USH2A: variants seen among roughly 807,000 people sequenced by gnomAD.
The protein encoded by USH2A is usherin.
In USH2A, 443 loss-of-function variants were observed where a neutral mutation model predicts 538.9. The ratio of observed to expected loss-of-function variants is 0.82; its 90% confidence interval spans 0.76 to 0.89. The LOEUF is 0.89. Ranked by LOEUF, USH2A falls within the 40% of genes least tolerant of loss-of-function variation. The pLI, the probability that USH2A is intolerant of heterozygous loss-of-function variation, is 0.00. For missense variants in USH2A, 6,633 were observed against 6,324.8 expected, an observed-to-expected ratio of 1.05 and a Z score of -1.65; for synonymous variants, 2,413 against 2,273.5, an observed-to-expected ratio of 1.06 and a Z score of -1.75.
At chr1:216,123,916 A>G (rs1273476492) in intron 21 of USH2A, among the ~76,000 whole-genome samples, 1 of 152,162 alleles carries the variant, frequency 6.6e-6, no homozygotes, top group African/African-American at 2.4e-5. Flanking sequence ...GAGAAGTCAT[A>G]CAGTGACCCC....
In USH2A at chr1:215,878,969, G is replaced by A; in HGVS notation, c.8353C>T (p.Pro2785Ser). ...ATGGTGACAGAATAATTAGTGAAAG[G>A]AATCAGATGAGTAACTTTTTGACTT... Reference protein sequence around the residue: ...VLSQKVTHLIPFTNYSVTIVA... With the variant: ...VLSQKVTHLISFTNYSVTIVA... Residue 2785 changes from proline (P) to serine (S), a missense_variant, in exon 42 of 72, where the codon CCT becomes TCT. By Grantham distance (74) the Pro-to-Ser change is moderately conservative. Coordinates refer to ENST00000307340, the MANE Select transcript of USH2A (RefSeq NM_206933.4). 6.2e-7 allele frequency: 1 copy of A among 1,614,064 alleles called. No homozygotes were observed. Among genetic ancestry groups the A allele is most frequent in the South Asian group, 1.1e-5 (1 of 91,084 alleles).
At chr1:215,857,906 A>G (rs976210570) in intron 44 of USH2A, among the ~76,000 whole-genome samples, 1 of 152,158 alleles carries the variant, frequency 6.6e-6, no homozygotes, top group Admixed American at 6.5e-5. Context: ...CTGACTTCCC[A>G]TCCCACTGTA....
At chr1:215,712,888 C>A (rs1659379814) in intron 61 of USH2A, among the ~76,000 whole-genome samples, 1 of 152,104 alleles carries the variant, frequency 6.6e-6, no homozygotes, top group African/African-American at 2.4e-5. Context: ...TCACTGCAAC[C>A]TCCACCTCCT....
At chr1:216,270,625 AT>A (rs1276907204) in intron 11 of USH2A, among the ~76,000 whole-genome samples, 2 of 152,146 alleles carry the variant, frequency 1.3e-5, no homozygotes, top group East Asian at 3.9e-4. Context: ...CTAACCAGCT[AT>A]TGTATACTGA....
chr1:216,369,967 T>G (rs2038674434), intron 3 of USH2A, among the ~76,000 whole-genome samples: 2 of 150,140 alleles, frequency 1.3e-5, no homozygotes, highest in African/African-American at 4.9e-5. Flanking sequence ...TTCTAAAATA[T>G]TTATGCATAT....
Position 216,279,745 on chromosome 1 carries a change from C to T in USH2A, c.1971+9535G>A, listed in dbSNP as rs764759116. 5.9e-5 allele frequency among the ~76,000 whole-genome samples: 9 copies of T among 151,990 alleles called. No homozygotes were observed. The South Asian group carries it at 6.2e-4, about 10-fold the overall frequency. On this transcript the variant is annotated intron_variant, in intron 11 of 71. Transcript: ENST00000307340. ...TCAACCCAATAACAAGCAAAGTAAA[C>T]GGGAGAGAAGGTAGCAGGGATGAAA...
intron 38 of USH2A, among the ~76,000 whole-genome samples, chr1:215,902,319 C>T (rs950243232): frequency 6.6e-6 from 1 of 152,116 alleles, no homozygotes; most frequent in Non-Finnish European, 1.5e-5. Context: ...TAATGAATGA[C>T]CAGTGATGAG....
chr1:216,278,259 G>A (rs781496709), intron 11 of USH2A, among the ~76,000 whole-genome samples: 15 of 152,146 alleles, frequency 9.9e-5, no homozygotes, highest in African/African-American at 1.4e-4. Flanking sequence ...ATTCAAACAT[G>A]TGGAACTCAA....
At chr1:216,386,314 G>A (rs11804016) in intron 3 of USH2A, among the ~76,000 whole-genome samples, 17,357 of 146,606 alleles carry the variant, frequency 0.12, 2,936 homozygotes, top group African/African-American at 0.38. Flanking sequence ...TGGCTAACAC[G>A]GTGAAACCCC....
chr1:215,884,830 G>T (rs79859674), intron 41 of USH2A, among the ~76,000 whole-genome samples: 1,700 of 152,226 alleles, frequency 0.011, 18 homozygotes, highest in Middle Eastern at 0.027. Flanking sequence ...TGTGGTCTGG[G>T]TGACACTGTT....
At chr1:216,252,248 T>G (rs182821471) in intron 11 of USH2A, among the ~76,000 whole-genome samples, 6 of 152,294 alleles carry the variant, frequency 3.9e-5, no homozygotes, top group African/African-American at 1.2e-4. Context: ...CAAATAAATA[T>G]GAGAAATTTA....
At chr1:216,246,474 A>G (rs531201176) in intron 13 of USH2A, 111 bp downstream of exon 13, 25 of 1,395,754 alleles carry the variant, frequency 1.8e-5, no homozygotes, top group South Asian at 3.6e-5. Flanking sequence ...TACAGTAATG[A>G]TTTTGGAAAT....
At chr1:216,219,403 G>A (rs2035409349) in intron 14 of USH2A, among the ~76,000 whole-genome samples, 1 of 151,940 alleles carries the variant, frequency 6.6e-6, no homozygotes, top group Non-Finnish European at 1.5e-5. Flanking sequence ...TGTAATTAAG[G>A]ATTAAGCAAA....
At position 216,324,238 on chromosome 1, in the gene USH2A, C is replaced by T. The variant is rs2037680211; in HGVS notation, c.1258G>A (p.Gly420Ser). ...EDWQYFARNC[G>S]AFGMKNNGDL... ...CCATTGTTTTTCATTCCAAAAGCAC[C>T]ACAATTCCTGGCAAAATATTGCCAG... Residue 420 changes from glycine to serine, a missense_variant, in exon 7 of 72, where the codon GGT becomes AGT. Gly to Ser is a moderately conservative substitution (Grantham distance 56). Coordinates refer to ENST00000307340, the MANE Select transcript of USH2A (RefSeq NM_206933.4). 1.2e-6 allele frequency: 2 copies of T among 1,613,348 alleles called. No individual in the cohort carries two copies. Among genetic ancestry groups the T allele is most frequent in the Non-Finnish European group, 1.7e-6 (2 of 1,179,700 alleles).
chr1:215,776,440 G>A lies in USH2A; in HGVS notation c.10939+3403C>T, dbSNP rs114795697. On this transcript the variant is annotated intron_variant, in intron 55 of 71. Transcript: ENST00000307340. Reference sequence around the variant, plus strand: ...TGGATTTCACATGATGAGTGCATTCGCCACTATTCCCACAAAGCATTTACG... The same window carrying A: ...TGGATTTCACATGATGAGTGCATTCACCACTATTCCCACAAAGCATTTACG... 9.3e-3 allele frequency among the ~76,000 whole-genome samples: 1,411 copies of A among 152,108 alleles called. 21 individuals are homozygous for A. The highest frequency in any genetic ancestry group is 0.032 in the African/African-American group (1,330 of 41,458).
chr1:216,230,020 T>C (rs1261723611), intron 14 of USH2A, among the ~76,000 whole-genome samples: 2 of 152,180 alleles, frequency 1.3e-5, no homozygotes, highest in Non-Finnish European at 2.9e-5. Flanking sequence ...AGCAGGCGTT[T>C]TGCTGATAAC....
intron 10 of USH2A, among the ~76,000 whole-genome samples, chr1:216,289,674 T>A (rs372985196): frequency 6.6e-6 from 1 of 152,112 alleles, no homozygotes; most frequent in Admixed American, 6.5e-5. Context: ...TAGGGGCCCA[T>A]ACATTTGGAA....
intron 21 of USH2A, among the ~76,000 whole-genome samples, chr1:216,149,451 G>A (rs991476168): frequency 1.8e-4 from 28 of 152,150 alleles, no homozygotes; most frequent in Admixed American, 5.9e-4. Flanking sequence ...AAGGTAGAAC[G>A]GACTAATGGT....
intron 11 of USH2A, among the ~76,000 whole-genome samples, chr1:216,280,494 C>T (rs1264170483): frequency 2.6e-5 from 4 of 152,052 alleles, no homozygotes; most frequent in African/African-American, 9.7e-5. Context: ...AATATACACT[C>T]ATATAGTAAC....
Sources: allele counts gnomAD v4.1 joint callset (sites outside exome capture counted in the v4.1 genomes callset), GRCh38; gene constraint gnomAD v4.1.1; transcripts MANE v1.5; gene names NCBI Gene and HGNC (gene_info 2026-07-23, HGNC 2026-07-21).